Variants in FERMT3 observed in about 807,000 individuals in gnomAD.
FERMT3 encodes fermitin family homolog 3.
FERMT3 carries 33 observed loss-of-function variants against 80.8 expected under a neutral mutation model. The ratio of observed to expected loss-of-function variants is 0.41; its 90% CI spans 0.31 to 0.55. FERMT3 has a LOEUF of 0.55. Ranked by LOEUF, FERMT3 falls within the 20% of genes least tolerant of loss-of-function variation. FERMT3 has a pLI of 0.31. For missense variants in FERMT3, 754 were observed against 908.7 expected, an observed-to-expected ratio of 0.83 and a Z score of 2.19; for synonymous variants, 375 against 372.2, an observed-to-expected ratio of 1.01 and a Z score of -0.09.
chr11:64,207,212 C>A, intron 1 of FERMT3, 139 bp from the exon 2 acceptor site: 1 of 935,254 alleles, frequency 1.1e-6, no homozygotes, highest in Non-Finnish European at 1.6e-6. Context: ...CACGGGCGTG[C>A]TGGCCTGGGT....
At chr11:64,218,234 G>C (rs565210691) in intron 6 of FERMT3, among the ~76,000 whole-genome samples, 22 of 152,138 alleles carry the variant, frequency 1.4e-4, no homozygotes, top group Non-Finnish European at 2.6e-4. Flanking sequence ...TTGATCTCCT[G>C]ACCTCGTGAT....
At position 64,220,299 on chromosome 11, in the gene FERMT3, G is replaced by A; in HGVS notation, c.1284G>A (p.Met428Ile). Reference protein sequence around the residue: ...IKLLVPSPEGMSEIYLRCQDE... With the variant: ...IKLLVPSPEGISEIYLRCQDE... Reference sequence around the variant, plus strand: ...TCCTAGTGCCCTCCCCTGAGGGCATGAGTGAGATCTACCTGCGGTGCCAGG... The same window carrying A: ...TCCTAGTGCCCTCCCCTGAGGGCATAAGTGAGATCTACCTGCGGTGCCAGG... The change falls in exon 11 of 15, where the codon ATG becomes ATA. Residue 428 changes from methionine (M) to isoleucine (I), a missense_variant. By Grantham distance (10) the Met-to-Ile change is conservative (BLOSUM62 1). Transcript: ENST00000345728. 1 of 1,613,680 alleles carries A rather than the reference G, an allele frequency of 6.2e-7. No homozygotes were observed. The highest frequency in any genetic ancestry group is 8.5e-7 in the Non-Finnish European group (1 of 1,179,770).
At position 64,211,536 on chromosome 11, in the gene FERMT3, C is replaced by T. The variant is rs1480647061; in HGVS notation, c.683+93C>T. 39 of 1,508,632 alleles carry T rather than the reference C, an allele frequency of 2.6e-5. No homozygotes were observed. Among genetic ancestry groups the T allele is most frequent in the Non-Finnish European group, 3.3e-5 (37 of 1,118,322 alleles). The allele number at this position is 1,508,632 out of a possible 1,614,324, so 93.5% of individuals were successfully genotyped here. ...CTGTGCCCACCCCAGATCCACACTTCGTTTCCAGGCCTTTTCTCTGTGTGT... is the reference window on the plus strand; with the variant it reads ...CTGTGCCCACCCCAGATCCACACTTTGTTTCCAGGCCTTTTCTCTGTGTGT... On this transcript the variant is annotated intron_variant, in intron 5 of 14. Coordinates refer to ENST00000345728, the MANE Select transcript of FERMT3 (RefSeq NM_031471.6). This position sits in a 1 kb window ranked among gnomAD's most constrained non-coding sequence, Gnocchi z 4.7.
chr11:64,222,302 C>T (rs1200120486), intron 13 of FERMT3, among the ~76,000 whole-genome samples: 1 of 151,100 alleles, frequency 6.6e-6, no homozygotes, highest in African/African-American at 2.4e-5. Context: ...CGCGATGGCT[C>T]ATGCCTGTAA....
chr11:64,215,496 G>A (rs1946530989), intron 6 of FERMT3, among the ~76,000 whole-genome samples: 1 of 151,682 alleles, frequency 6.6e-6, no homozygotes. Context: ...TCTGTGCTTT[G>A]CCTTTTAATT....
chr11:64,217,368 G>T (rs1249596871), intron 6 of FERMT3, among the ~76,000 whole-genome samples: 1 of 152,190 alleles, frequency 6.6e-6, no homozygotes, highest in Non-Finnish European at 1.5e-5. Context: ...TGATCAACAT[G>T]GAGAAAGCCT....
chr11:64,209,640 G>GA (rs1198889566), intron 2 of FERMT3, among the ~76,000 whole-genome samples: 7 of 152,212 alleles, frequency 4.6e-5, no homozygotes, highest in Non-Finnish European at 1.0e-4. Context: ...CCTGGGAGGG[G>GA]AAGTGCCGGA....
At chr11:64,220,745 C>A in intron 12 of FERMT3, 76 bp downstream of exon 12, 2 of 1,401,956 alleles carry the variant, frequency 1.4e-6, no homozygotes, top group Middle Eastern at 1.8e-4. Flanking sequence ...TCCACAGAGC[C>A]TTCCTCAGGA....
At position 64,216,084 on chromosome 11, in the gene FERMT3, G is replaced by A. The variant is rs1274053873; in HGVS notation, c.787-3167G>A. 4.0e-5 allele frequency among the ~76,000 whole-genome samples: 6 copies of A among 151,622 alleles called. No homozygotes were observed. In the South Asian group the frequency reaches 6.2e-4, roughly 16 times the overall value. ...TGACCTCAAATGATCCGCCCGCCTCGGCCTCCCAAAGTGCTAGGATTACAC... is the reference window on the plus strand; with the variant it reads ...TGACCTCAAATGATCCGCCCGCCTCAGCCTCCCAAAGTGCTAGGATTACAC... On this transcript the variant is annotated intron_variant, in intron 6 of 14. Transcript: ENST00000345728.
At chr11:64,206,412 C>T (rs1946311486), upstream of FERMT3, among the ~76,000 whole-genome samples, 1 of 152,242 alleles carries the variant, frequency 6.6e-6, no homozygotes, top group Admixed American at 6.5e-5. Flanking sequence ...AGGTCCCCAC[C>T]TCATGTGACA....
At position 64,219,641 on chromosome 11, in the gene FERMT3, G is replaced by A; in HGVS notation, c.1012G>A (p.Ala338Thr). 6.2e-7 allele frequency: 1 copy of A among 1,613,498 alleles called. No individual in the cohort carries two copies. The highest frequency in any genetic ancestry group is 8.5e-7 in the Non-Finnish European group (1 of 1,179,978). Reference sequence around the variant, plus strand: ...CCTGGAGGTGAAGCTGGAGGGGTCGGCGCCCACAGATGTGCTGGTGAGGAG... The same window carrying A: ...CCTGGAGGTGAAGCTGGAGGGGTCGACGCCCACAGATGTGCTGGTGAGGAG... The part of the protein sequence containing the change: ...SNLEVKLEGS[A>T]PTDVLDSLTT... Residue 338 changes from alanine (A) to threonine (T), a missense_variant, in exon 8 of 15, where the codon GCG becomes ACG. Transcript: ENST00000345728. This position sits in a 1 kb window ranked among gnomAD's most constrained non-coding sequence, Gnocchi z 4.0.
chr11:64,211,782 C>T lies in FERMT3; in HGVS notation c.786+35C>T. On this transcript the variant is annotated intron_variant, in intron 6 of 14. Coordinates refer to ENST00000345728, the MANE Select transcript of FERMT3 (RefSeq NM_031471.6). The surrounding 1 kb of genome is among the most constrained non-coding windows in gnomAD (Gnocchi z 4.7). ...GGCAGGGAGAAAGCGGGCCTCAGGT[C>T]CATGAGATGTGGAGACCTAGGGCCT... 1 of 1,600,686 alleles carries T rather than the reference C, an allele frequency of 6.2e-7. No homozygotes were observed. The highest frequency in any genetic ancestry group is 1.1e-5 in the South Asian group (1 of 90,804).
intron 2 of FERMT3, among the ~76,000 whole-genome samples, chr11:64,209,184 G>A (rs1946383616): frequency 6.6e-6 from 1 of 152,194 alleles, no homozygotes; most frequent in Non-Finnish European, 1.5e-5. Context: ...GCTAGGAGAG[G>A]GCACCTCTGT....
At chr11:64,221,296 T>C (rs547844808) in intron 13 of FERMT3, among the ~76,000 whole-genome samples, 156 bp downstream of exon 13, 4 of 152,174 alleles carry the variant, frequency 2.6e-5, no homozygotes, top group South Asian at 2.1e-4. Context: ...GAGGGCCCCA[T>C]GTGTGCCCCT....
At position 64,223,547 on chromosome 11, in the gene FERMT3, C is replaced by T. The variant is rs927952460; in HGVS notation, c.*55C>T. 2 of 1,555,546 alleles carry T rather than the reference C, an allele frequency of 1.3e-6. No individual in the cohort carries two copies. The highest frequency in any genetic ancestry group is 1.7e-6 in the Non-Finnish European group (2 of 1,153,594). ...CCACCCTGTCACAGCCACTCCCAAG[C>T]CCACACCCACAGGGGCTCACTGCCC... On this transcript the variant is annotated 3_prime_UTR_variant, in exon 15 of 15. Coordinates refer to ENST00000345728, the MANE Select transcript of FERMT3 (RefSeq NM_031471.6).
Position 64,207,595 on chromosome 11 carries a change from C to G in FERMT3, c.160+71C>G, listed in dbSNP as rs182893243. 3.9e-3 allele frequency: 5,940 copies of G among 1,534,172 alleles called. 26 individuals are homozygous for G. The highest frequency in any genetic ancestry group is 4.9e-3 in the Non-Finnish European group (5,529 of 1,131,368). On this transcript the variant is annotated intron_variant, in intron 2 of 14. Coordinates refer to ENST00000345728, the MANE Select transcript of FERMT3 (RefSeq NM_031471.6). ...CGCCACGGGTGTCTCTGGGCACTTC[C>G]GGGCCATCCCTGCTGCTCAGCTCCC...
rs1352470482 is a variant in FERMT3 at position 64,219,459 on chromosome 11, C to A, written c.895-65C>A. 3 of 1,560,306 alleles carry A rather than the reference C, an allele frequency of 1.9e-6. No individual in the cohort carries two copies. The highest frequency in any genetic ancestry group is 2.6e-6 in the Non-Finnish European group (3 of 1,153,122). On this transcript the variant is annotated intron_variant, in intron 7 of 14. Coordinates refer to ENST00000345728, the MANE Select transcript of FERMT3 (RefSeq NM_031471.6). This position sits in a 1 kb window ranked among gnomAD's most constrained non-coding sequence, Gnocchi z 4.0. ...GGGGGCTACCTCCAGGGAAGCCCGG[C>A]CTGGGGGTACTGCTAGGGGACCAGG...
At chr11:64,209,648 G>A (rs576506268) in intron 2 of FERMT3, among the ~76,000 whole-genome samples, 3 of 152,332 alleles carry the variant, frequency 2.0e-5, no homozygotes, top group East Asian at 3.9e-4. Context: ...GGGAAGTGCC[G>A]GAGGACGAGC....
intron 1 of FERMT3, 95 bp from the exon 2 acceptor site, chr11:64,207,256 C>T: frequency 6.8e-7 from 1 of 1,475,862 alleles, no homozygotes; most frequent in Non-Finnish European, 9.4e-7. Context: ...AGCGGCTTTC[C>T]TCTGGGTGTG....
Sources: gnomAD v4.1 joint callset for allele counts (sites outside exome capture counted in the v4.1 genomes callset) on GRCh38, gnomAD v4.1.1 for gene constraint, Gnocchi (gnomAD v3.1) non-coding constraint, MANE v1.5 for transcripts, NCBI Gene and HGNC (gene_info 2026-07-23, HGNC 2026-07-21) for gene names.